The following SLC9A9 variants were observed in gnomAD, a reference collection of about 807,000 sequenced individuals.
SLC9A9 encodes solute carrier family 9 member A9, also known as sodium/hydrogen exchanger 9.
SLC9A9 carries 62 observed loss-of-function variants against 77.8 expected under a neutral mutation model. That is an observed-to-expected ratio of 0.80 (90% CI 0.65 to 0.98). The LOEUF (loss-of-function observed/expected upper bound fraction) is 0.98, where lower values mean the gene tolerates loss of function less well. Among genes scored for constraint, SLC9A9 ranks in the 50% least tolerant of loss-of-function variants. SLC9A9 has a pLI of 0.00. For synonymous variants in SLC9A9, 320 were observed against 283.5 expected (o/e 1.13, Z -1.29); for missense variants, 775 against 774.9 (o/e 1.00, Z 0.00).
chr3:143,419,624 A>C (rs2034261764), intron 12 of SLC9A9, among the ~76,000 whole-genome samples: 1 of 152,174 alleles, frequency 6.6e-6, no homozygotes, highest in Non-Finnish European at 1.5e-5. Context: ...GTATTTATGA[A>C]GGCCTACCCT....
intron 4 of SLC9A9, among the ~76,000 whole-genome samples, chr3:143,756,668 C>A (rs2006935053): frequency 6.6e-6 from 1 of 152,190 alleles, no homozygotes; most frequent in Non-Finnish European, 1.5e-5. Context: ...TAAATGCAGA[C>A]TGGCTGAAAG....
chr3:143,296,796 A>T (rs891061856), intron 14 of SLC9A9, among the ~76,000 whole-genome samples: 1 of 151,892 alleles, frequency 6.6e-6, no homozygotes, highest in Admixed American at 6.6e-5. Flanking sequence ...GATGTTGAGC[A>T]TTTTTTTTAT....
At chr3:143,610,537 C>T (rs2038007828) in intron 6 of SLC9A9, among the ~76,000 whole-genome samples, 1 of 152,184 alleles carries the variant, frequency 6.6e-6, no homozygotes, top group Admixed American at 6.5e-5. Flanking sequence ...CTCTGAGCAG[C>T]CAGCCATTAT....
intron 4 of SLC9A9, among the ~76,000 whole-genome samples, chr3:143,730,755 A>G (rs1048962653): frequency 1.3e-5 from 2 of 152,224 alleles, no homozygotes; most frequent in African/African-American, 4.8e-5. Flanking sequence ...CTTAGTAAGC[A>G]ATAGATAAAT....
intron 12 of SLC9A9, among the ~76,000 whole-genome samples, chr3:143,387,139 C>A: frequency 6.6e-6 from 1 of 152,056 alleles, no homozygotes; most frequent in East Asian, 1.9e-4. Flanking sequence ...CTGTGCCTCG[C>A]CTGGTTTGGA....
intron 4 of SLC9A9, among the ~76,000 whole-genome samples, chr3:143,773,033 T>C (rs762141157): frequency 1.3e-5 from 2 of 152,246 alleles, no homozygotes; most frequent in African/African-American, 2.4e-5. Flanking sequence ...GTGGAGTTGA[T>C]AGTTTTGTTC....
At chr3:143,354,125 C>T (rs2032530148) in intron 14 of SLC9A9, among the ~76,000 whole-genome samples, 1 of 152,190 alleles carries the variant, frequency 6.6e-6, no homozygotes, top group Non-Finnish European at 1.5e-5. Flanking sequence ...TTCAGGCTCT[C>T]TCGCATCTAT....
chr3:143,794,927 T>A, intron 4 of SLC9A9, 74 bp downstream of exon 4: 3 of 1,325,668 alleles, frequency 2.3e-6, no homozygotes, highest in Non-Finnish European at 3.3e-6. Flanking sequence ...GCAAGAATCC[T>A]GGAAGTGTTA....
chr3:143,608,117 G>A (rs1451437787), intron 6 of SLC9A9, among the ~76,000 whole-genome samples: 1 of 152,158 alleles, frequency 6.6e-6, no homozygotes, highest in Non-Finnish European at 1.5e-5. Context: ...AATTGTAAAA[G>A]ACATAATGGT....
intron 2 of SLC9A9, among the ~76,000 whole-genome samples, chr3:143,823,182 C>T (rs1171527007): frequency 2.0e-5 from 3 of 152,190 alleles, no homozygotes; most frequent in African/African-American, 7.2e-5. Context: ...GACCACTAAA[C>T]AGACCTAGTC....
At chr3:143,785,845 C>CTTTTTTTTTTT (rs57552730) in intron 4 of SLC9A9, among the ~76,000 whole-genome samples, 3 of 112,992 alleles carry the variant, frequency 2.7e-5, no homozygotes, top group Admixed American at 9.7e-5. Flanking sequence ...TTGAATTTTT[C>CTTTTTTTTTTT]TTTTTTTTTT....
rs114046854 is a variant in SLC9A9, at chr3:143,839,224, C to T, written c.176-7003G>A. On this transcript the variant is annotated intron_variant, in intron 1 of 15. Transcript: ENST00000316549. ...GCTAAAAAGTCACAATTTATTGCTCCATACTAGCTCACCATCAACTTGTTT... is the reference window on the plus strand; with the variant it reads ...GCTAAAAAGTCACAATTTATTGCTCTATACTAGCTCACCATCAACTTGTTT... Among the ~76,000 whole-genome samples the T allele has an allele frequency of 3.7e-3, 567 of 152,228 alleles. 5 individuals are homozygous for T. The highest frequency in any genetic ancestry group is 0.013 in the African/African-American group (545 of 41,530).
At chr3:143,613,025 C>T (rs2038047142) in intron 6 of SLC9A9, among the ~76,000 whole-genome samples, 1 of 152,182 alleles carries the variant, frequency 6.6e-6, no homozygotes. Context: ...TTGTAATAGC[C>T]TCCCAATAAC....
At chr3:143,396,203 T>A (rs973270192) in intron 12 of SLC9A9, among the ~76,000 whole-genome samples, 1 of 152,188 alleles carries the variant, frequency 6.6e-6, no homozygotes, top group Non-Finnish European at 1.5e-5. Flanking sequence ...CCAACCCAAA[T>A]GTTCAATAAT....
At chr3:143,495,032 G>A (rs2035809265) in intron 10 of SLC9A9, among the ~76,000 whole-genome samples, 1 of 152,182 alleles carries the variant, frequency 6.6e-6, no homozygotes, top group African/African-American at 2.4e-5. Context: ...TAATTTTTAT[G>A]TAAATGATTC....
At chr3:143,395,218 C>T (rs1308977278) in intron 12 of SLC9A9, among the ~76,000 whole-genome samples, 1 of 152,112 alleles carries the variant, frequency 6.6e-6, no homozygotes, top group Non-Finnish European at 1.5e-5. Flanking sequence ...GCTACAGTAA[C>T]CAAAACAGCA....
At chr3:143,837,592 A>G (rs2009601042) in intron 1 of SLC9A9, among the ~76,000 whole-genome samples, 1 of 152,134 alleles carries the variant, frequency 6.6e-6, no homozygotes, top group Non-Finnish European at 1.5e-5. Context: ...TCGCCAGCCC[A>G]ATGTCTATCC....
chr3:143,467,727 A>AGAGAGAGAGAGAGAG (rs138399078), intron 11 of SLC9A9, among the ~76,000 whole-genome samples: 9 of 144,810 alleles, frequency 6.2e-5, no homozygotes, highest in Non-Finnish European at 1.2e-4. Context: ...CCTGGCTCTA[A>AGAGAGAGAGAGAGAG]AGAGAGAGAG....
chr3:143,613,937 C>T (rs2038063806), intron 6 of SLC9A9, among the ~76,000 whole-genome samples: 1 of 152,274 alleles, frequency 6.6e-6, no homozygotes, highest in African/African-American at 2.4e-5. Context: ...AATTGAATTA[C>T]ATTTTAAAAT....
Sources: allele counts gnomAD v4.1 joint callset (sites outside exome capture counted in the v4.1 genomes callset), GRCh38; gene constraint gnomAD v4.1.1; transcripts MANE v1.5; gene names NCBI Gene and HGNC (gene_info 2026-07-23, HGNC 2026-07-21).